The following DICER1 variants were observed in gnomAD, a reference collection of about 807,000 sequenced individuals.
DICER1 encodes the protein endoribonuclease Dicer.
In DICER1, 43 loss-of-function variants were observed where a neutral mutation model predicts 194.1. The observed-to-expected ratio is 0.22, with a 90% CI of 0.17 to 0.29. DICER1 has a LOEUF of 0.29. Ranked by LOEUF, DICER1 falls within the 10% of genes least tolerant of loss-of-function variation. The pLI, the probability that DICER1 is intolerant of heterozygous loss-of-function variation, is 1.00. For synonymous variants in DICER1, 832 were observed against 820.5 expected (o/e 1.01, Z -0.24); for missense variants, 1,608 against 2,317.0 (o/e 0.69, Z 6.28).
In DICER1 at chr14:95,105,393, A is replaced by C; in HGVS notation, c.3094-147T>G. On this transcript the variant is annotated intron_variant, in intron 19 of 26. Transcript: ENST00000343455. The surrounding 1 kb of genome is among the most constrained non-coding windows in gnomAD (Gnocchi z 4.9). ...AAATATTTGTAAAAATAATCCTCTA[A>C]GGCCAAATGGGATTTATCAAAGGAT... The C allele has an allele frequency of 1.2e-6, 1 of 806,574 alleles. No homozygotes were observed. Among genetic ancestry groups the C allele is most frequent in the Non-Finnish European group, 2.0e-6 (1 of 499,634 alleles). The allele number at this position is 806,574 out of a possible 1,614,324, so 50.0% of individuals were successfully genotyped here.
Position 95,086,895 on chromosome 14 carries a change from AACATG to A in DICER1, c.*3598_*3602del, listed in dbSNP as rs1193312444. The A allele has an allele frequency of 8.6e-6, 2 of 232,742 alleles. No homozygotes were observed. The highest frequency in any genetic ancestry group is 2.2e-5 in the African/African-American group (1 of 45,360). 14.4% of individuals were successfully genotyped at this position (232,742 alleles called of 1,614,324 possible). The stretch of plus-strand genomic sequence containing the variant: ...AATTAAAACAACCATATAGGTAATA[AACATG>A]ACATGAGTTTCTCTTCTGCAGATAA... On this transcript the variant is annotated 3_prime_UTR_variant, in exon 27 of 27. Transcript: ENST00000343455.
At chr14:95,120,476 T>G (rs1892847851) in intron 8 of DICER1, among the ~76,000 whole-genome samples, 1 of 152,148 alleles carries the variant, frequency 6.6e-6, no homozygotes, top group Non-Finnish European at 1.5e-5. Context: ...TCACAAAATA[T>G]ACATCCACAA....
At position 95,124,160 on chromosome 14, in the gene DICER1, T is replaced by C; in HGVS notation, c.1376+36A>G. 2.7e-6 allele frequency: 4 copies of C among 1,506,556 alleles called. No individual in the cohort carries two copies. The highest frequency in any genetic ancestry group is 3.7e-6 in the Non-Finnish European group (4 of 1,085,498). The allele number at this position is 1,506,556 out of a possible 1,614,324, so 93.3% of individuals were successfully genotyped here. On this transcript the variant is annotated intron_variant, in intron 8 of 26. Coordinates refer to ENST00000343455, the MANE Select transcript of DICER1 (RefSeq NM_177438.3). This position sits in a 1 kb window ranked among gnomAD's most constrained non-coding sequence, Gnocchi z 4.5. ...CACATCACAACACAGGACGCCTCCC[T>C]GTTCTCATGTGAAAGGAGTCAACTT... is the stretch of plus-strand genomic sequence containing the variant.
Position 95,116,693 on chromosome 14 carries a change from T to C in DICER1, c.1512A>G (p.Val504=). The C allele has an allele frequency of 6.2e-7, 1 of 1,612,752 alleles. No individual in the cohort carries two copies. The highest frequency in any genetic ancestry group is 8.5e-7 in the Non-Finnish European group (1 of 1,179,564). Residue 504 remains valine, a splice_region_variant and synonymous_variant, in exon 10 of 27, where the codon GTA becomes GTG. Coordinates refer to ENST00000343455, the MANE Select transcript of DICER1 (RefSeq NM_177438.3). ...MEAEFRKQEE[V]LRKFRAHETN... Reference sequence around the variant, plus strand: ...TCTCATGTGCTCGAAATTTCCTAAGTACCTGAAAAAAAAAATCCACCAAGA... The same window carrying C: ...TCTCATGTGCTCGAAATTTCCTAAGCACCTGAAAAAAAAAATCCACCAAGA...
chr14:95,151,631 C>G (rs1489021270), intron 1 of DICER1, among the ~76,000 whole-genome samples: 1 of 152,210 alleles, frequency 6.6e-6, no homozygotes, highest in African/African-American at 2.4e-5. Context: ...GAACCCTGGT[C>G]TCTCTGACGC....
At chr14:95,099,586 T>A (rs1180488844) in intron 22 of DICER1, among the ~76,000 whole-genome samples, 194 bp downstream of exon 22, 2 of 152,164 alleles carry the variant, frequency 1.3e-5, no homozygotes, top group Non-Finnish European at 2.9e-5. Flanking sequence ...ATAATACTAT[T>A]TCTGAATTCA....
chr14:95,101,513 C>T (rs1890874509), intron 21 of DICER1, among the ~76,000 whole-genome samples: 1 of 152,226 alleles, frequency 6.6e-6, no homozygotes, highest in Admixed American at 6.5e-5. Context: ...AAAACCGTAT[C>T]TGAATCCTAC....
rs2140112084 is a variant in DICER1, at chr14:95,115,653, A to G, written c.1907+14T>C. The G allele has an allele frequency of 6.2e-7, 1 of 1,613,960 alleles. No individual in the cohort carries two copies. Among genetic ancestry groups the G allele is most frequent in the South Asian group, 1.1e-5 (1 of 91,066 alleles). ...CATTCCCAGGTTTTCCACACAAATG[A>G]TATGATGCCATACCTATTGATGTGT... On this transcript the variant is annotated intron_variant, in intron 11 of 26. Transcript: ENST00000343455.
intron 20 of DICER1, among the ~76,000 whole-genome samples, chr14:95,104,465 A>C (rs1159722173): frequency 6.6e-6 from 1 of 151,948 alleles, no homozygotes; most frequent in Non-Finnish European, 1.5e-5. Flanking sequence ...ACTTACATAA[A>C]CTCTCTGTGC....
intron 24 of DICER1, 115 bp downstream of exon 24, chr14:95,093,773 T>TC: frequency 8.8e-7 from 1 of 1,137,258 alleles, no homozygotes; most frequent in Non-Finnish European, 1.3e-6. Context: ...GCACACTGGG[T>TC]CCCACACCCC....
At chr14:95,127,000 G>C (rs1390764090) in intron 6 of DICER1, among the ~76,000 whole-genome samples, 1 of 152,142 alleles carries the variant, frequency 6.6e-6, no homozygotes, top group Non-Finnish European at 1.5e-5. Context: ...CAAAAGGCAA[G>C]GGGAGAAGAG....
chr14:95,118,155 T>C lies in DICER1; in HGVS notation c.1377-401A>G, dbSNP rs80113845. On this transcript the variant is annotated intron_variant, in intron 8 of 26. Coordinates refer to ENST00000343455, the MANE Select transcript of DICER1 (RefSeq NM_177438.3). ...AAGCTCGACTCATCCCTCTACCAGTTCTACTAGCTCATCTCTCAACTCAAC... is the reference window on the plus strand; with the variant it reads ...AAGCTCGACTCATCCCTCTACCAGTCCTACTAGCTCATCTCTCAACTCAAC... Among the ~76,000 whole-genome samples the C allele has an allele frequency of 1.1e-4, 17 of 152,288 alleles. No homozygotes were observed. In the East Asian group the frequency reaches 3.3e-3, roughly 29 times the overall value.
intron 8 of DICER1, among the ~76,000 whole-genome samples, chr14:95,121,018 T>C (rs67822993): frequency 0.17 from 25,767 of 152,094 alleles, 2,993 homozygotes; most frequent in East Asian, 0.38. Flanking sequence ...AGTGACGTTT[T>C]GTGGTTGATA....
intron 8 of DICER1, among the ~76,000 whole-genome samples, chr14:95,118,245 G>C (rs1291572414): frequency 6.6e-6 from 1 of 152,182 alleles, no homozygotes; most frequent in Non-Finnish European, 1.5e-5. Flanking sequence ...GAAAGGACCA[G>C]TGAGCCCAAC....
chr14:95,133,261 T>C lies in DICER1; in HGVS notation c.144+54A>G, dbSNP rs566910817. 2.1e-5 allele frequency: 34 copies of C among 1,587,512 alleles called. No individual in the cohort carries two copies. In the African/African-American group the frequency reaches 4.4e-4, roughly 21 times the overall value. ...TATATAAGTTGTGTCAACTATATGC[T>C]AATGTATTCCATTTTAGTGTAGAAT... On this transcript the variant is annotated intron_variant, in intron 2 of 26. Transcript: ENST00000343455.
intron 22 of DICER1, 86 bp from the exon 23 acceptor site, chr14:95,096,799 G>C: frequency 1.4e-6 from 2 of 1,445,408 alleles, no homozygotes; most frequent in Non-Finnish European, 1.8e-6. Flanking sequence ...AAGGGTTATG[G>C]ATAATTTCAA....
Position 95,157,434 on chromosome 14 carries a change from C to G in DICER1, c.-250G>C, listed in dbSNP as rs1895969709. 6.6e-6 allele frequency: 1 copy of G among 152,504 alleles called. No homozygotes were observed. Among genetic ancestry groups the G allele is most frequent in the Non-Finnish European group, 1.5e-5 (1 of 68,402 alleles). The allele number at this position is 152,504 out of a possible 1,614,324, so 9.4% of individuals were successfully genotyped here. A position where few individuals can be genotyped will look rare whatever the true frequency, so the allele number is the denominator to read the frequency against. ...GCGCCGCGCCTCCGCCTCGACCCCT[C>G]CCGCCGGCGCCTGCGGAGACTGCGC... On this transcript the variant is annotated 5_prime_UTR_variant, in exon 1 of 27. Transcript: ENST00000343455.
rs763415569 is a variant in DICER1 at position 95,103,761 on chromosome 14, T to G, written c.3635A>C (p.Gln1212Pro). Residue 1212 changes from glutamine (Q) to proline (P), a missense_variant, in exon 21 of 27, where the codon CAA becomes CCA. Physicochemically the swap from Gln to Pro is moderately conservative, Grantham distance 76. Around this residue, in one of 10 missense-constraint regions of DICER1, gnomAD observed 222 missense variants for 215.5 expected, o/e 1.03. Transcript: ENST00000343455. ...CTGAATGGAATATGAGGTAGTTGGT[T>G]GCACGGGTATTTCCTGCTTGTAGTA... ...LNYYKQEIPVQPTTSYSIQNL... is the reference protein window; with the variant it reads ...LNYYKQEIPVPPTTSYSIQNL... 4 of 1,614,232 alleles carry G rather than the reference T, an allele frequency of 2.5e-6. No individual in the cohort carries two copies. The highest frequency in any genetic ancestry group is 1.6e-4 in the Middle Eastern group (1 of 6,062).
At position 95,116,058 on chromosome 14, in the gene DICER1, G is replaced by GACACAC. The variant is rs150390018; in HGVS notation, c.1753-243_1753-238dup. On this transcript the variant is annotated intron_variant, in intron 10 of 26. Transcript: ENST00000343455. ...GTCTATACTGTACCGTGCCTACACAGACACACACACACACACACACACACA... is the reference window on the plus strand; with the variant it reads ...GTCTATACTGTACCGTGCCTACACAGACACACACACACACACACACACACACACACA... Among the ~76,000 whole-genome samples, 1,002 of 143,020 alleles carry GACACAC rather than the reference G, an allele frequency of 7.0e-3. 7 individuals carry two copies. Among genetic ancestry groups the GACACAC allele is most frequent in the Non-Finnish European group, 6.8e-3 (437 of 64,190 alleles). 93.8% of individuals were successfully genotyped at this position (143,020 alleles called of 152,430 possible).
Sources: gnomAD v4.1 joint callset for allele counts (sites outside exome capture counted in the v4.1 genomes callset) on GRCh38, gnomAD v4.1.1 for gene constraint, gnomAD v4.1.1 regional missense constraint, Gnocchi (gnomAD v3.1) non-coding constraint, MANE v1.5 for transcripts, NCBI Gene and HGNC (gene_info 2026-07-23, HGNC 2026-07-21) for gene names.